The following CCN1 variants were observed in gnomAD, a reference collection of about 807,000 sequenced individuals.
CCN1 encodes cellular communication network factor 1.
A neutral mutation model predicts 38.1 loss-of-function variants in CCN1; 12 were observed. The observed-to-expected ratio is 0.31, with a 90% CI of 0.20 to 0.51. The LOEUF is 0.51. Among genes scored for constraint, CCN1 ranks in the 20% least tolerant of loss-of-function variants. CCN1 has a pLI of 0.97. For synonymous variants in CCN1, 202 were observed against 196.1 expected (o/e 1.03, Z -0.25); for missense variants, 466 against 490.9 (o/e 0.95, Z 0.48).
chr1:85,581,191 C>T (rs1659783480), intron 1 of CCN1, 144 bp downstream of exon 1: 1 of 1,195,996 alleles, frequency 8.4e-7, no homozygotes, highest in Middle Eastern at 2.0e-4. Flanking sequence ...TCCCCCTCCC[C>T]CCGAAGACGT....
At position 85,580,898 on chromosome 1, in the gene CCN1, C is replaced by G; in HGVS notation, c.-87C>G. On this transcript the variant is annotated 5_prime_UTR_variant, in exon 1 of 5. Coordinates refer to ENST00000451137, the MANE Select transcript of CCN1 (RefSeq NM_001554.5). ...CGGGCCCACCGCGCCGCCACCCCGA[C>G]CCCGCTGCGCACGGCCTGTCCGCTG... 2.3e-6 allele frequency: 3 copies of G among 1,303,254 alleles called. No homozygotes were observed. Among genetic ancestry groups the G allele is most frequent in the Middle Eastern group, 2.0e-4 (1 of 5,072 alleles). 80.7% of individuals were successfully genotyped at this position (1,303,254 alleles called of 1,614,324 possible).
chr1:85,581,141 G>T, intron 1 of CCN1, 94 bp downstream of exon 1: 1 of 1,425,328 alleles, frequency 7.0e-7, no homozygotes, highest in South Asian at 1.4e-5. Flanking sequence ...AAGTTAAAAA[G>T]TTCGCGATCG....
Position 85,582,110 on chromosome 1 carries a change from A to T in CCN1, c.460A>T (p.Thr154Ser). Residue 154 changes from threonine (T) to serine (S), a missense_variant, in exon 3 of 5, where the codon ACC becomes TCC. Around this residue, in one of 3 missense-constraint regions of CCN1, gnomAD observed 309 missense variants for 319.9 expected, o/e 0.97. Transcript: ENST00000451137. ...TCCCAACCCTCGGCTGGTCAAAGTTACCGGGCAGTGCTGCGAGGAGTGGGT... is the reference window on the plus strand; with the variant it reads ...TCCCAACCCTCGGCTGGTCAAAGTTTCCGGGCAGTGCTGCGAGGAGTGGGT... ...GCPNPRLVKV[T>S]GQCCEEWVCD... 1 of 1,614,174 alleles carries T rather than the reference A, an allele frequency of 6.2e-7. No homozygotes were observed. The highest frequency in any genetic ancestry group is 8.5e-7 in the Non-Finnish European group (1 of 1,180,024).
In CCN1 at chr1:85,583,400, A is replaced by G. The variant is rs562669923; in HGVS notation, c.*358A>G. The G allele has an allele frequency of 1.2e-5, 3 of 243,408 alleles. No homozygotes were observed. In the East Asian group the frequency reaches 2.8e-4, roughly 23 times the overall value. 15.1% of individuals were successfully genotyped at this position (243,408 alleles called of 1,614,324 possible). ...TTGGGGTTCTACAGTCGTAAAAGAGATAATAAGATTAGTTGGACAGTTTAA... is the reference window on the plus strand; with the variant it reads ...TTGGGGTTCTACAGTCGTAAAAGAGGTAATAAGATTAGTTGGACAGTTTAA... On this transcript the variant is annotated 3_prime_UTR_variant, in exon 5 of 5. Transcript: ENST00000451137.
In CCN1 at chr1:85,582,754, C is replaced by G; in HGVS notation, c.858C>G (p.Cys286Trp). Residue 286 changes from cysteine to tryptophan, a missense_variant, in exon 5 of 5, where the codon TGC (cysteine) becomes TGG (tryptophan). Cys to Trp is a radical substitution (Grantham distance 215). Transcript: ENST00000451137. Reference protein sequence around the residue: ...VYSSLKKGKKCSKTKKSPEPV... With the variant: ...VYSSLKKGKKWSKTKKSPEPV... ...TTCTCTTACAGAAGGGCAAGAAATG[C>G]AGCAAGACCAAGAAATCCCCCGAAC... 6.2e-7 allele frequency: 1 copy of G among 1,613,690 alleles called. No individual in the cohort carries two copies.
rs1306125473 is a variant in CCN1 at position 85,582,781 on chromosome 1, A to T, written c.885A>T (p.Pro295=). The part of the protein sequence containing the change: ...KCSKTKKSPE[P]VRFTYAGCLS... ...GCAAGACCAAGAAATCCCCCGAACC[A>T]GTCAGGTTTACTTACGCTGGATGTT... The change falls in exon 5 of 5, where the codon CCA becomes CCT. Residue 295 remains proline, a synonymous_variant. Coordinates refer to ENST00000451137, the MANE Select transcript of CCN1 (RefSeq NM_001554.5). 1 of 1,614,106 alleles carries T rather than the reference A, an allele frequency of 6.2e-7. No individual in the cohort carries two copies. Among genetic ancestry groups the T allele is most frequent in the East Asian group, 2.2e-5 (1 of 44,900 alleles).
Position 85,583,143 on chromosome 1 carries a change from AC to A in CCN1, c.*102del. ...GGGCGGGGGTGGTGTGGGTGATGGG[AC>A]TCATTGTAGAAAGGAAGCCTTGCTC... is the stretch of plus-strand genomic sequence containing the variant. On this transcript the variant is annotated 3_prime_UTR_variant, in exon 5 of 5. Coordinates refer to ENST00000451137, the MANE Select transcript of CCN1 (RefSeq NM_001554.5). 7.9e-7 allele frequency: 1 copy of A among 1,261,314 alleles called. No individual in the cohort carries two copies. The highest frequency in any genetic ancestry group is 1.4e-5 in the South Asian group (1 of 70,802). 78.1% of individuals were successfully genotyped at this position (1,261,314 alleles called of 1,614,324 possible). A position where few individuals can be genotyped will look rare whatever the true frequency, so the allele number is the denominator to read the frequency against.
Position 85,583,065 on chromosome 1 carries a change from A to G in CCN1, c.*23A>G. The G allele has an allele frequency of 1.3e-6, 2 of 1,594,504 alleles. No individual in the cohort carries two copies. The highest frequency in any genetic ancestry group is 1.7e-6 in the Non-Finnish European group (2 of 1,165,932). Reference sequence around the variant, plus strand: ...TAAATGCTACCTGGGTTTCCAGGGCACACCTAGACAAACAAGGGAGAAGAG... The same window carrying G: ...TAAATGCTACCTGGGTTTCCAGGGCGCACCTAGACAAACAAGGGAGAAGAG... On this transcript the variant is annotated 3_prime_UTR_variant, in exon 5 of 5. Transcript: ENST00000451137.
At position 85,582,421 on chromosome 1, in the gene CCN1, G is replaced by A. The variant is rs553932011; in HGVS notation, c.640G>A (p.Gly214Arg). 8 of 1,614,044 alleles carry A rather than the reference G, an allele frequency of 5.0e-6. No homozygotes were observed. The African/African-American group carries it at 1.1e-4, about 22-fold the overall frequency. Reference sequence around the variant, plus strand: ...TCCCTCTTATATGTCTCTAGTTTTTGGAATGGAGCCTCGCATCCTATACAA... The same window carrying A: ...TCCCTCTTATATGTCTCTAGTTTTTAGAATGGAGCCTCGCATCCTATACAA... The part of the protein sequence containing the change: ...GSSLKRLPVF[G>R]MEPRILYNPL... The change falls in exon 4 of 5, where the codon GGA becomes AGA. Residue 214 changes from glycine to arginine, a missense_variant. By Grantham distance (125) the Gly-to-Arg change is moderately radical (BLOSUM62 -2). Transcript: ENST00000451137.
Position 85,583,126 on chromosome 1 carries a change from G to T in CCN1, c.*84G>T, listed in dbSNP as rs575840619. 3.0e-4 allele frequency: 422 copies of T among 1,403,902 alleles called. No homozygotes were observed. Among genetic ancestry groups the T allele is most frequent in the Non-Finnish European group, 4.0e-4 (407 of 1,019,968 alleles). The allele number at this position is 1,403,902 out of a possible 1,614,324, so 87.0% of individuals were successfully genotyped here. On this transcript the variant is annotated 3_prime_UTR_variant, in exon 5 of 5. Coordinates refer to ENST00000451137, the MANE Select transcript of CCN1 (RefSeq NM_001554.5). The stretch of plus-strand genomic sequence containing the variant: ...AGAATCATGGAGAAAATGGGCGGGG[G>T]TGGTGTGGGTGATGGGACTCATTGT...
Position 85,583,660 on chromosome 1 carries a change from A to T in CCN1, c.*618A>T, listed in dbSNP as rs1401323586. The stretch of plus-strand genomic sequence containing the variant: ...TTTTAATTTTATATTCAGTGAAAAG[A>T]TTTTATTTATGGAATTAACCATTTA... On this transcript the variant is annotated 3_prime_UTR_variant, in exon 5 of 5. Coordinates refer to ENST00000451137, the MANE Select transcript of CCN1 (RefSeq NM_001554.5). The T allele has an allele frequency of 1.3e-5, 2 of 152,794 alleles. No homozygotes were observed. The highest frequency in any genetic ancestry group is 2.9e-5 in the Non-Finnish European group (2 of 68,176). 9.5% of individuals were successfully genotyped at this position (152,794 alleles called of 1,614,324 possible). A position where few individuals can be genotyped will look rare whatever the true frequency, so the allele number is the denominator to read the frequency against.
In CCN1 at chr1:85,581,345, G is replaced by A. The variant is rs575107561; in HGVS notation, c.64-20G>A. 1.9e-6 allele frequency: 3 copies of A among 1,553,508 alleles called. No homozygotes were observed. The highest frequency in any genetic ancestry group is 1.4e-5 in the African/African-American group (1 of 73,458). ...CTGCGCACCGCGCCGAGTCTCACGC[G>A]TATCTTCTCCCCCTTCCAGGCGCTC... On this transcript the variant is annotated intron_variant, in intron 1 of 4. Coordinates refer to ENST00000451137, the MANE Select transcript of CCN1 (RefSeq NM_001554.5).
chr1:85,581,192 C>T, intron 1 of CCN1, 145 bp downstream of exon 1: 1 of 1,199,400 alleles, frequency 8.3e-7, no homozygotes, highest in Non-Finnish European at 1.1e-6. Flanking sequence ...CCCCCTCCCC[C>T]CGAAGACGTG....
At position 85,580,976 on chromosome 1, in the gene CCN1, C is replaced by A; in HGVS notation, c.-9C>A. The A allele has an allele frequency of 1.9e-6, 3 of 1,599,242 alleles. No individual in the cohort carries two copies. Among genetic ancestry groups the A allele is most frequent in the Admixed American group, 1.7e-5 (1 of 58,388 alleles). On this transcript the variant is annotated 5_prime_UTR_variant, in exon 1 of 5. Transcript: ENST00000451137. The stretch of plus-strand genomic sequence containing the variant: ...CCGCGCTCGCCCCGGGCTACTCCTG[C>A]GCGCCACAATGAGCTCCCGCATCGC...
At position 85,582,774 on chromosome 1, in the gene CCN1, C is replaced by T. The variant is rs1236147365; in HGVS notation, c.878C>T (p.Pro293Leu). The T allele has an allele frequency of 4.3e-6, 7 of 1,614,008 alleles. No individual in the cohort carries two copies. The highest frequency in any genetic ancestry group is 2.7e-5 in the African/African-American group (2 of 74,904). ...GKKCSKTKKS[P>L]EPVRFTYAGC... ...AAATGCAGCAAGACCAAGAAATCCCCCGAACCAGTCAGGTTTACTTACGCT... is the reference window on the plus strand; with the variant it reads ...AAATGCAGCAAGACCAAGAAATCCCTCGAACCAGTCAGGTTTACTTACGCT... Residue 293 changes from proline to leucine, a missense_variant, in exon 5 of 5, where the codon CCC (proline) becomes CTC (leucine). Physicochemically the swap from Pro to Leu is moderately conservative, Grantham distance 98. Coordinates refer to ENST00000451137, the MANE Select transcript of CCN1 (RefSeq NM_001554.5).
Position 85,583,129 on chromosome 1 carries a change from G to A in CCN1, c.*87G>A. On this transcript the variant is annotated 3_prime_UTR_variant, in exon 5 of 5. Coordinates refer to ENST00000451137, the MANE Select transcript of CCN1 (RefSeq NM_001554.5). Reference sequence around the variant, plus strand: ...ATCATGGAGAAAATGGGCGGGGGTGGTGTGGGTGATGGGACTCATTGTAGA... The same window carrying A: ...ATCATGGAGAAAATGGGCGGGGGTGATGTGGGTGATGGGACTCATTGTAGA... 2 of 1,406,106 alleles carry A rather than the reference G, an allele frequency of 1.4e-6. No individual in the cohort carries two copies. Among genetic ancestry groups the A allele is most frequent in the South Asian group, 2.6e-5 (2 of 76,562 alleles). 87.1% of individuals were successfully genotyped at this position (1,406,106 alleles called of 1,614,324 possible).
Position 85,581,547 on chromosome 1 carries a change from C to T in CCN1, c.246C>T (p.Ala82=). 6.2e-7 allele frequency: 1 copy of T among 1,613,996 alleles called. No homozygotes were observed. The highest frequency in any genetic ancestry group is 1.1e-5 in the South Asian group (1 of 91,088). The change falls in exon 2 of 5, where the codon GCC becomes GCT. Residue 82 remains alanine (A), a synonymous_variant. Coordinates refer to ENST00000451137, the MANE Select transcript of CCN1 (RefSeq NM_001554.5). Reference sequence around the variant, plus strand: ...AGGGGCTGGAATGCAACTTCGGCGCCAGCTCCACCGCTCTGAAGGGGATCT... The same window carrying T: ...AGGGGCTGGAATGCAACTTCGGCGCTAGCTCCACCGCTCTGAAGGGGATCT... ...HTKGLECNFG[A]SSTALKGICR...
At position 85,580,979 on chromosome 1, in the gene CCN1, G is replaced by C. The variant is rs1344381889; in HGVS notation, c.-6G>C. On this transcript the variant is annotated 5_prime_UTR_variant, in exon 1 of 5. Transcript: ENST00000451137. Reference sequence around the variant, plus strand: ...CGCTCGCCCCGGGCTACTCCTGCGCGCCACAATGAGCTCCCGCATCGCCAG... The same window carrying C: ...CGCTCGCCCCGGGCTACTCCTGCGCCCCACAATGAGCTCCCGCATCGCCAG... The C allele has an allele frequency of 2.5e-6, 4 of 1,599,156 alleles. No homozygotes were observed. The highest frequency in any genetic ancestry group is 3.4e-6 in the Non-Finnish European group (4 of 1,174,414).
chr1:85,582,017 TG>T lies in CCN1; in HGVS notation c.368del (p.Cys123LeufsTer70). 6.2e-7 allele frequency: 1 copy of T among 1,614,118 alleles called. No homozygotes were observed. The highest frequency in any genetic ancestry group is 8.5e-7 in the Non-Finnish European group (1 of 1,180,014). ...GCCCAACTGTAAACATCAGTGCACA[TG>T]TATTGATGGCGCCGTGGGCTGCATT... Reference protein sequence around the residue: ...FQPNCKHQCTCIDGAVGCIPL... With the variant: ...FQPNCKHQCTXIDGAVGCIPL... On this transcript the variant is annotated frameshift_variant, in exon 3 of 5. Coordinates refer to ENST00000451137, the MANE Select transcript of CCN1 (RefSeq NM_001554.5). LOFTEE classifies it high-confidence loss of function.
Sources: allele counts gnomAD v4.1 joint callset, GRCh38; gene constraint gnomAD v4.1.1; regional missense constraint gnomAD v4.1.1; transcripts MANE v1.5; gene names NCBI Gene and HGNC (gene_info 2026-07-23, HGNC 2026-07-21).